GPC5: variants seen among roughly 807,000 people sequenced by gnomAD.
GPC5 encodes the protein glypican 5, also known as glypican-5.
GPC5 carries 47 observed loss-of-function variants against 53.9 expected under a neutral mutation model. The observed-to-expected ratio is 0.87, with a 90% CI of 0.69 to 1.11. The LOEUF is 1.11. Among genes scored for constraint, GPC5 ranks in the 50% most tolerant of loss-of-function variants. The pLI is 0.00. For synonymous variants in GPC5, 286 were observed against 263.3 expected, an observed-to-expected ratio of 1.09 and a Z score of -0.84; for missense variants, 748 against 713.1, an observed-to-expected ratio of 1.05 and a Z score of -0.56.
intron 7 of GPC5, among the ~76,000 whole-genome samples, chr13:92,818,804 A>G (rs1352381408): frequency 6.6e-6 from 1 of 151,986 alleles, no homozygotes; most frequent in Non-Finnish European, 1.5e-5. Context: ...CAGAATGAGA[A>G]GTATTAGGAA....
chr13:92,387,782 C>G (rs1566569261), intron 7 of GPC5, among the ~76,000 whole-genome samples: 1 of 152,114 alleles, frequency 6.6e-6, no homozygotes, highest in Non-Finnish European at 1.5e-5. Context: ...CCTATTTAAG[C>G]TCTGGTTTCC....
At chr13:92,244,030 A>T (rs112024005) in intron 7 of GPC5, among the ~76,000 whole-genome samples, 1 of 152,056 alleles carries the variant, frequency 6.6e-6, no homozygotes, top group Non-Finnish European at 1.5e-5. Context: ...TGAGGCATAG[A>T]GATCAGGAAA....
At chr13:92,698,237 A>C (rs914667531) in intron 7 of GPC5, among the ~76,000 whole-genome samples, 2 of 152,030 alleles carry the variant, frequency 1.3e-5, no homozygotes, top group African/African-American at 4.8e-5. Flanking sequence ...ACATATGTAT[A>C]CATGTGCCAT....
intron 6 of GPC5, among the ~76,000 whole-genome samples, chr13:92,120,087 C>T (rs1377479774): frequency 1.3e-5 from 2 of 152,132 alleles, no homozygotes; most frequent in Non-Finnish European, 2.9e-5. Flanking sequence ...TGTTGAAGTA[C>T]TGAACAAAAA....
At chr13:91,483,895 C>G (rs747679088) in intron 2 of GPC5, among the ~76,000 whole-genome samples, 1 of 152,064 alleles carries the variant, frequency 6.6e-6, no homozygotes, top group African/African-American at 2.4e-5. Flanking sequence ...CACTTAAAGT[C>G]GCAGTTTCCA....
chr13:92,578,973 C>G (rs987655748), intron 7 of GPC5, among the ~76,000 whole-genome samples: 1 of 151,978 alleles, frequency 6.6e-6, no homozygotes, highest in African/African-American at 2.4e-5. Flanking sequence ...AAATGGAAGA[C>G]TAGGATTTTG....
intron 1 of GPC5, among the ~76,000 whole-genome samples, chr13:91,432,209 G>C (rs879449987): frequency 0.054 from 5,671 of 104,930 alleles, 90 homozygotes; most frequent in Non-Finnish European, 0.065. Context: ...GCTGCTGTGT[G>C]TGTGTGTGTG....
chr13:92,715,617 A>ATACT (rs1223488166), intron 7 of GPC5, among the ~76,000 whole-genome samples: 2 of 152,192 alleles, frequency 1.3e-5, no homozygotes, highest in Non-Finnish European at 2.9e-5. Flanking sequence ...TTGGATGTTT[A>ATACT]TACTTACTTT....
intron 7 of GPC5, among the ~76,000 whole-genome samples, chr13:92,644,403 T>A (rs1885697914): frequency 1.3e-5 from 2 of 152,070 alleles, no homozygotes; most frequent in Admixed American, 1.3e-4. Context: ...CAAATTAGAG[T>A]ATATTTGCCC....
intron 7 of GPC5, among the ~76,000 whole-genome samples, chr13:92,412,560 T>C (rs1337969738): frequency 2.0e-5 from 3 of 152,230 alleles, no homozygotes; most frequent in East Asian, 1.9e-4. Context: ...GTGATAATTA[T>C]ATGAAATTAA....
At chr13:91,546,569 T>A (rs1373194322) in intron 2 of GPC5, among the ~76,000 whole-genome samples, 1 of 151,960 alleles carries the variant, frequency 6.6e-6, no homozygotes, top group Non-Finnish European at 1.5e-5. Flanking sequence ...CATGAATAGG[T>A]CTGTGACATT....
intron 7 of GPC5, among the ~76,000 whole-genome samples, chr13:92,524,844 G>A (rs544803259): frequency 3.3e-5 from 5 of 152,040 alleles, no homozygotes; most frequent in Non-Finnish European, 7.4e-5. Context: ...CTAAATACAA[G>A]GTCCAGAATT....
intron 7 of GPC5, among the ~76,000 whole-genome samples, chr13:92,417,208 T>G (rs1876349594): frequency 6.6e-6 from 1 of 152,320 alleles, no homozygotes; most frequent in East Asian, 1.9e-4. Flanking sequence ...TCCAAAAAAT[T>G]TTTTCCAAAA....
chr13:92,437,048 G>A (rs1450366999), intron 7 of GPC5, among the ~76,000 whole-genome samples: 2 of 152,150 alleles, frequency 1.3e-5, no homozygotes, highest in Non-Finnish European at 2.9e-5. Flanking sequence ...ATAAATGCCA[G>A]CAATCAAACT....
intron 6 of GPC5, among the ~76,000 whole-genome samples, chr13:91,929,530 C>A (rs1301361585): frequency 6.6e-6 from 1 of 152,098 alleles, no homozygotes; most frequent in African/African-American, 2.4e-5. Flanking sequence ...TTTCATGTTT[C>A]ATTGCCATGT....
At position 92,333,210 on chromosome 13, in the gene GPC5, G is replaced by T. The variant is rs573447741; in HGVS notation, c.1561+188221G>T. Among the ~76,000 whole-genome samples, 8 of 152,230 alleles carry T rather than the reference G, an allele frequency of 5.3e-5. No individual in the cohort carries two copies. The South Asian group carries it at 1.5e-3, about 28-fold the overall frequency. On this transcript the variant is annotated intron_variant, in intron 7 of 7. Transcript: ENST00000377067. ...ACACTTTTGTGAGATTTACCTCCAG[G>T]AACTCTACCCACTTCTCTTAGTAAA...
At chr13:92,656,117 G>A (rs1169981445) in intron 7 of GPC5, among the ~76,000 whole-genome samples, 1 of 152,100 alleles carries the variant, frequency 6.6e-6, no homozygotes, top group African/African-American at 2.4e-5. Context: ...GCATTTTCAA[G>A]TCATTGAGGA....
intron 5 of GPC5, among the ~76,000 whole-genome samples, chr13:91,800,865 C>T (rs903887840): frequency 1.1e-4 from 16 of 151,886 alleles, no homozygotes; most frequent in Admixed American, 1.3e-4. Context: ...GTTGTTCTCT[C>T]ATCTGTCTCC....
intron 3 of GPC5, among the ~76,000 whole-genome samples, chr13:91,697,669 A>G (rs192209787): frequency 6.6e-6 from 1 of 152,218 alleles, no homozygotes; most frequent in Admixed American, 6.5e-5. Flanking sequence ...TTGTTAATAA[A>G]TTATTAATTC....
Sources: gnomAD v4.1 joint callset for allele counts (sites outside exome capture counted in the v4.1 genomes callset) on GRCh38, gnomAD v4.1.1 for gene constraint, MANE v1.5 for transcripts, NCBI Gene and HGNC (gene_info 2026-07-23, HGNC 2026-07-21) for gene names.